The following CERS6 variants were observed in gnomAD, a reference collection of about 807,000 sequenced individuals.
The protein encoded by CERS6 is LAG1 homolog, ceramide synthase 6.
Under a neutral mutation model 56.8 loss-of-function variants are expected in CERS6, and 26 were observed. The observed-to-expected ratio is 0.46, with a 90% CI of 0.34 to 0.63. The LOEUF is 0.63. Ranked by LOEUF, CERS6 falls within the 30% of genes least tolerant of loss-of-function variation. The pLI, the probability that CERS6 is intolerant of heterozygous loss-of-function variation, is 0.01. For missense variants in CERS6, 415 were observed against 467.5 expected (o/e 0.89, Z 1.04); for synonymous variants, 164 against 173.3 (o/e 0.95, Z 0.42).
intron 2 of CERS6, among the ~76,000 whole-genome samples, chr2:168,558,146 A>G (rs1446523154): frequency 2.6e-5 from 4 of 152,226 alleles, no homozygotes; most frequent in Non-Finnish European, 5.9e-5. Flanking sequence ...GCTTTGGAAA[A>G]TGGGCGCTCT....
At chr2:168,470,635 G>A (rs932494783) in intron 1 of CERS6, among the ~76,000 whole-genome samples, 1 of 152,308 alleles carries the variant, frequency 6.6e-6, no homozygotes, top group South Asian at 2.1e-4. Flanking sequence ...CACCCAGTGT[G>A]TGTTAAGTCT....
intron 1 of CERS6, among the ~76,000 whole-genome samples, chr2:168,483,135 C>T (rs1400017796): frequency 1.3e-5 from 2 of 152,166 alleles, no homozygotes; most frequent in Non-Finnish European, 2.9e-5. Context: ...TGTGCTACTG[C>T]CACTCACTAT....
At chr2:168,650,749 C>A (rs1166019298) in intron 4 of CERS6, among the ~76,000 whole-genome samples, 1 of 151,894 alleles carries the variant, frequency 6.6e-6, no homozygotes, top group Non-Finnish European at 1.5e-5. Context: ...ATTCATATAC[C>A]CCTTCAATTA....
chr2:168,537,087 TACTC>T (rs1041712825), intron 1 of CERS6, among the ~76,000 whole-genome samples: 5 of 152,154 alleles, frequency 3.3e-5, no homozygotes, highest in African/African-American at 1.2e-4. Context: ...GCTTTGTTAT[TACTC>T]AACAACAAAG....
chr2:168,521,566 G>T lies in CERS6; in HGVS notation c.171-26030G>T, dbSNP rs566435221. On this transcript the variant is annotated intron_variant, in intron 1 of 9. Transcript: ENST00000305747. ...TAACACAGCTGCGCCAGGCATTTCA[G>T]TGAGTTCCTAATGCAGCTTCTAGGG... 2.0e-5 allele frequency among the ~76,000 whole-genome samples: 3 copies of T among 152,326 alleles called. No individual in the cohort carries two copies. The South Asian group carries it at 6.2e-4, about 32-fold the overall frequency.
chr2:168,766,907 A>G (rs1684745719), intron 9 of CERS6, among the ~76,000 whole-genome samples: 1 of 152,182 alleles, frequency 6.6e-6, no homozygotes, highest in Non-Finnish European at 1.5e-5. Flanking sequence ...TAGAAATCCT[A>G]ATTATTTTGA....
intron 4 of CERS6, among the ~76,000 whole-genome samples, chr2:168,669,798 A>G (rs1363056795): frequency 6.6e-6 from 1 of 152,234 alleles, no homozygotes; most frequent in Non-Finnish European, 1.5e-5. Context: ...ATAAATTAGG[A>G]GATTGTCATA....
chr2:168,669,398 C>T (rs1051421315), intron 4 of CERS6, among the ~76,000 whole-genome samples: 1 of 152,124 alleles, frequency 6.6e-6, no homozygotes, highest in Admixed American at 6.5e-5. Flanking sequence ...GTCACAGGGC[C>T]CTATCTAACT....
chr2:168,645,209 A>G (rs1282243512), intron 4 of CERS6, among the ~76,000 whole-genome samples: 1 of 132,418 alleles, frequency 7.6e-6, no homozygotes, highest in Non-Finnish European at 1.6e-5. Flanking sequence ...AAAAGGGGAG[A>G]AAAGACAGAG....
At chr2:168,598,686 G>A (rs976664003) in intron 3 of CERS6, among the ~76,000 whole-genome samples, 2 of 152,158 alleles carry the variant, frequency 1.3e-5, no homozygotes, top group East Asian at 1.9e-4. Context: ...ATTTAATAAC[G>A]TAGCTTACAA....
At chr2:168,463,737 G>A (rs187867816) in intron 1 of CERS6, among the ~76,000 whole-genome samples, 259 of 152,058 alleles carry the variant, frequency 1.7e-3, no homozygotes, top group African/African-American at 6.0e-3. Flanking sequence ...GCAAAACCCC[G>A]TCTTTACAAA....
intron 8 of CERS6, among the ~76,000 whole-genome samples, chr2:168,742,643 G>A (rs1683949620): frequency 6.6e-6 from 1 of 152,158 alleles, no homozygotes; most frequent in Non-Finnish European, 1.5e-5. Context: ...ACACAATAAA[G>A]GACAATAAAG....
intron 1 of CERS6, among the ~76,000 whole-genome samples, chr2:168,462,000 C>T (rs1693788426): frequency 6.6e-6 from 1 of 152,162 alleles, no homozygotes; most frequent in African/African-American, 2.4e-5. Context: ...ATTGCTGCAC[C>T]ATCCTCAGGC....
intron 1 of CERS6, among the ~76,000 whole-genome samples, chr2:168,527,147 T>A (rs754083240): frequency 2.5e-4 from 38 of 152,236 alleles, no homozygotes; most frequent in Non-Finnish European, 5.3e-4. Flanking sequence ...ATGCTTATCC[T>A]GTTTGCCTCC....
intron 1 of CERS6, among the ~76,000 whole-genome samples, chr2:168,471,769 G>A (rs1208633607): frequency 1.3e-5 from 2 of 152,130 alleles, no homozygotes; most frequent in Admixed American, 6.6e-5. Flanking sequence ...AATTGAATGC[G>A]CTTAGCTGCT....
At chr2:168,743,541 G>A (rs568371819) in intron 8 of CERS6, among the ~76,000 whole-genome samples, 1,103 of 88,582 alleles carry the variant, frequency 0.012, 13 homozygotes, top group Middle Eastern at 0.068. Flanking sequence ...AAGCTGAGGC[G>A]AGACTGTCTC....
intron 3 of CERS6, among the ~76,000 whole-genome samples, chr2:168,575,311 G>A (rs925054973): frequency 6.6e-6 from 1 of 152,138 alleles, no homozygotes; most frequent in Non-Finnish European, 1.5e-5. Context: ...AGGTTTAATT[G>A]ACTCACAGTT....
chr2:168,555,507 A>C (rs953593738), intron 2 of CERS6, among the ~76,000 whole-genome samples: 3 of 152,098 alleles, frequency 2.0e-5, no homozygotes, highest in African/African-American at 7.2e-5. Context: ...CAAAACTATA[A>C]CTATAATTTT....
At chr2:168,597,085 A>T (rs1559013810) in intron 3 of CERS6, among the ~76,000 whole-genome samples, 1 of 151,968 alleles carries the variant, frequency 6.6e-6, no homozygotes, top group African/African-American at 2.4e-5. Flanking sequence ...CACTGCTATG[A>T]GTTTAGCTTT....
Sources: gnomAD v4.1 joint callset for allele counts (sites outside exome capture counted in the v4.1 genomes callset) on GRCh38, gnomAD v4.1.1 for gene constraint, MANE v1.5 for transcripts, NCBI Gene and HGNC (gene_info 2026-07-23, HGNC 2026-07-21) for gene names.